The following ACVR1C variants were observed in gnomAD, a reference collection of about 807,000 sequenced individuals.
The protein encoded by ACVR1C is activin A receptor type 1C.
A neutral mutation model predicts 57.9 loss-of-function variants in ACVR1C; 23 were observed. The ratio of observed to expected loss-of-function variants is 0.40; its 90% CI spans 0.29 to 0.56. The LOEUF is 0.56. Ranked by LOEUF, ACVR1C falls within the 20% of genes least tolerant of loss-of-function variation. The pLI is 0.50. For synonymous variants in ACVR1C, 214 were observed against 215.3 expected (o/e 0.99, Z 0.05); for missense variants, 480 against 607.9 (o/e 0.79, Z 2.21).
intron 2 of ACVR1C, among the ~76,000 whole-genome samples, chr2:157,562,386 A>G (rs1285155278): frequency 2.0e-5 from 3 of 146,938 alleles, no homozygotes; most frequent in African/African-American, 7.4e-5. Flanking sequence ...CTAAACCAGG[A>G]AGAAGCTGAA....
chr2:157,620,015 G>A (rs1287644116), intron 1 of ACVR1C, among the ~76,000 whole-genome samples: 1 of 151,958 alleles, frequency 6.6e-6, no homozygotes, highest in Non-Finnish European at 1.5e-5. Flanking sequence ...GCCATTCTGG[G>A]GAACATCATC....
chr2:157,603,997 C>G (rs556166491), intron 1 of ACVR1C, among the ~76,000 whole-genome samples: 2 of 152,068 alleles, frequency 1.3e-5, no homozygotes, highest in Non-Finnish European at 2.9e-5. Context: ...GAGGTACCCA[C>G]GTTTAACTAT....
At position 157,628,722 on chromosome 2, in the gene ACVR1C, A is replaced by AGTTCCCGGGCCGC. The variant is rs1682963429; in HGVS notation, c.-91_-79dup. On this transcript the variant is annotated 5_prime_UTR_variant, in exon 1 of 9. Coordinates refer to ENST00000243349, the MANE Select transcript of ACVR1C (RefSeq NM_145259.3). ...GCCGGGGCAGCACGGCCCGCTTTGA[A>AGTTCCCGGGCCGC]GTTCCCGGGCCGCGGGAGGGGAGCG... 4.6e-6 allele frequency: 6 copies of AGTTCCCGGGCCGC among 1,306,782 alleles called. No individual in the cohort carries two copies. In the Admixed American group the frequency reaches 1.8e-4, roughly 40 times the overall value. 80.9% of individuals were successfully genotyped at this position (1,306,782 alleles called of 1,614,324 possible).
At chr2:157,540,422 G>A (rs915716039) in intron 7 of ACVR1C, among the ~76,000 whole-genome samples, 7 of 151,224 alleles carry the variant, frequency 4.6e-5, no homozygotes, top group East Asian at 3.9e-4. Flanking sequence ...GTGCAATGGC[G>A]CAATCTCAGC....
Position 157,542,839 on chromosome 2 carries a change from C to G in ACVR1C, c.967G>C (p.Asp323His), listed in dbSNP as rs775967774. Residue 323 changes from aspartate to histidine, a missense_variant, in exon 6 of 9, where the codon GAC becomes CAC. Physicochemically the swap from Asp to His is moderately conservative, Grantham distance 81 (BLOSUM62 -1). Transcript: ENST00000243349. ...ACTAAGATATTCTTTGATTTTATGT[C>G]TCGATGAGCAATAGCAGGTTTACCT... Reference protein sequence around the residue: ...TQGKPAIAHRDIKSKNILVKK... With the variant: ...TQGKPAIAHRHIKSKNILVKK... 1 of 1,613,780 alleles carries G rather than the reference C, an allele frequency of 6.2e-7. No homozygotes were observed. Among genetic ancestry groups the G allele is most frequent in the Non-Finnish European group, 8.5e-7 (1 of 1,179,924 alleles).
At position 157,587,276 on chromosome 2, in the gene ACVR1C, T is replaced by G; in HGVS notation, c.215A>C (p.Gln72Pro). 6.2e-7 allele frequency: 1 copy of G among 1,613,746 alleles called. No homozygotes were observed. The highest frequency in any genetic ancestry group is 8.5e-7 in the Non-Finnish European group (1 of 1,179,690). The change falls in exon 2 of 9, where the codon CAA (glutamine) becomes CCA (proline). Residue 72 changes from glutamine to proline, a missense_variant. Coordinates refer to ENST00000243349, the MANE Select transcript of ACVR1C (RefSeq NM_145259.3). Reference protein sequence around the residue: ...SCVSLPELNAQVFCHSSNNVT... With the variant: ...SCVSLPELNAPVFCHSSNNVT... ...ATTGTTGGAACTATGACAGAAGACT[T>G]GAGCATTCAGTTCTGGAAGGGAGAC...
In ACVR1C at chr2:157,556,453, T is replaced by C. The variant is rs922293836; in HGVS notation, c.305-121A>G. On this transcript the variant is annotated intron_variant, in intron 2 of 8. Coordinates refer to ENST00000243349, the MANE Select transcript of ACVR1C (RefSeq NM_145259.3). ...TATTCAGCTACACAGTATGCACTTATGTTCATTGGTAAAGGCTCTCTGTGG... is the reference window on the plus strand; with the variant it reads ...TATTCAGCTACACAGTATGCACTTACGTTCATTGGTAAAGGCTCTCTGTGG... 4 of 1,287,768 alleles carry C rather than the reference T, an allele frequency of 3.1e-6. No homozygotes were observed. The African/African-American group carries it at 4.5e-5, about 14-fold the overall frequency. 79.8% of individuals were successfully genotyped at this position (1,287,768 alleles called of 1,614,324 possible). A position where few individuals can be genotyped will look rare whatever the true frequency, so the allele number is the denominator to read the frequency against.
intron 1 of ACVR1C, among the ~76,000 whole-genome samples, chr2:157,595,684 T>G (rs1472711074): frequency 1.3e-5 from 2 of 152,210 alleles, no homozygotes; most frequent in Non-Finnish European, 2.9e-5. Context: ...CATGACCTGA[T>G]AGGCTAATAG....
At chr2:157,570,493 G>T (rs1688491921) in intron 2 of ACVR1C, among the ~76,000 whole-genome samples, 1 of 76,544 alleles carries the variant, frequency 1.3e-5, no homozygotes, top group Non-Finnish European at 2.7e-5. Flanking sequence ...ATCTCCTTAA[G>T]CTGATAAGCA....
intron 2 of ACVR1C, among the ~76,000 whole-genome samples, chr2:157,580,772 C>G (rs182379621): frequency 2.0e-5 from 3 of 151,898 alleles, no homozygotes; most frequent in Admixed American, 2.0e-4. Context: ...CACTGTATCA[C>G]GAGGCTGGGA....
chr2:157,538,800 AC>A, intron 7 of ACVR1C, 97 bp from the exon 8 acceptor site: 3 of 1,004,594 alleles, frequency 3.0e-6, no homozygotes, highest in East Asian at 3.1e-5. Context: ...CACAAGTGAC[AC>A]CCCAGGGAAC....
intron 1 of ACVR1C, among the ~76,000 whole-genome samples, chr2:157,627,912 G>A (rs1280945310): frequency 6.6e-6 from 1 of 152,164 alleles, no homozygotes; most frequent in African/African-American, 2.4e-5. Flanking sequence ...GCTCTATTTA[G>A]CCTATCAAGG....
At position 157,542,790 on chromosome 2, in the gene ACVR1C, A is replaced by G. The variant is rs1380688904; in HGVS notation, c.1016T>C (p.Ile339Thr). ...CTTCACAGCCAACCCTAAGTCCGCT[A>G]TGGCACAAGTTTCACACTTTTTCAC... ...ILVKKCETCA[I>T]ADLGLAVKHD... Residue 339 changes from isoleucine (I) to threonine (T), a missense_variant, in exon 6 of 9, where the codon ATA (isoleucine) becomes ACA (threonine). Transcript: ENST00000243349. The G allele has an allele frequency of 3.1e-6, 5 of 1,613,964 alleles. No homozygotes were observed. Among genetic ancestry groups the G allele is most frequent in the Non-Finnish European group, 3.4e-6 (4 of 1,179,978 alleles).
At chr2:157,599,145 T>C (rs1161980784) in intron 1 of ACVR1C, among the ~76,000 whole-genome samples, 1 of 151,338 alleles carries the variant, frequency 6.6e-6, no homozygotes, top group Non-Finnish European at 1.5e-5. Context: ...CCATCCTGGC[T>C]AACACAGTGA....
At chr2:157,601,867 G>T (rs1309240853) in intron 1 of ACVR1C, among the ~76,000 whole-genome samples, 3 of 152,020 alleles carry the variant, frequency 2.0e-5, no homozygotes, top group African/African-American at 7.2e-5. Flanking sequence ...TTTAAAAAGA[G>T]ATATTCTAGA....
At chr2:157,566,765 G>T (rs1688396510) in intron 2 of ACVR1C, among the ~76,000 whole-genome samples, 1 of 151,716 alleles carries the variant, frequency 6.6e-6, no homozygotes, top group African/African-American at 2.4e-5. Context: ...AAACTGCAAG[G>T]CGGCAACGAG....
Position 157,527,065 on chromosome 2 carries a change from C to T in ACVR1C, c.*6853G>A, listed in dbSNP as rs1687245867. The T allele has an allele frequency of 6.6e-6, 1 of 152,020 alleles. No homozygotes were observed. The highest frequency in any genetic ancestry group is 2.1e-4 in the South Asian group (1 of 4,828). 9.4% of individuals were successfully genotyped at this position (152,020 alleles called of 1,614,324 possible). On this transcript the variant is annotated 3_prime_UTR_variant, in exon 9 of 9. Transcript: ENST00000243349. ...AATAAATTCTAAAACACTATTATTT[C>T]TAAATAAAATAAGTCTATACATATT...
intron 2 of ACVR1C, among the ~76,000 whole-genome samples, chr2:157,579,193 C>A (rs1232908830): frequency 6.6e-6 from 1 of 152,102 alleles, no homozygotes; most frequent in African/African-American, 2.4e-5. Flanking sequence ...TGAGCTGTTA[C>A]CTTTGCAGAC....
At chr2:157,590,299 C>A (rs1322070867) in intron 1 of ACVR1C, among the ~76,000 whole-genome samples, 3 of 151,878 alleles carry the variant, frequency 2.0e-5, no homozygotes, top group Non-Finnish European at 4.4e-5. Context: ...GCTAATCACT[C>A]AAATTGGAGT....
Sources: allele counts gnomAD v4.1 joint callset (sites outside exome capture counted in the v4.1 genomes callset), GRCh38; gene constraint gnomAD v4.1.1; transcripts MANE v1.5; gene names NCBI Gene and HGNC (gene_info 2026-07-23, HGNC 2026-07-21).